LSS: variants seen among roughly 807,000 people sequenced by gnomAD.
The protein encoded by LSS is lanosterol synthase.
A neutral mutation model predicts 110.3 loss-of-function variants in LSS; 90 were observed. The ratio of observed to expected loss-of-function variants is 0.82; its 90% CI spans 0.69 to 0.97. The LOEUF (loss-of-function observed/expected upper bound fraction) is 0.97, where lower values mean the gene tolerates loss of function less well. Ranked by LOEUF, LSS falls within the 50% of genes least tolerant of loss-of-function variation. The pLI is 0.00. For missense variants in LSS, 927 were observed against 990.0 expected (o/e 0.94, Z 0.85); for synonymous variants, 433 against 400.0 (o/e 1.08, Z -0.98).
intron 17 of LSS, among the ~76,000 whole-genome samples, chr21:46,197,585 C>T (rs566996875): frequency 6.6e-6 from 1 of 152,234 alleles, no homozygotes; most frequent in African/African-American, 2.4e-5. Context: ...TGCAAAACTC[C>T]AAATTAAAAC....
chr21:46,195,242 G>A (rs1446767461), intron 19 of LSS, among the ~76,000 whole-genome samples: 3 of 152,176 alleles, frequency 2.0e-5, no homozygotes, highest in African/African-American at 7.2e-5. Flanking sequence ...TGGGACCAGG[G>A]AAACATCTTC....
chr21:46,222,510 C>A, intron 4 of LSS, 120 bp downstream of exon 4: 2 of 834,562 alleles, frequency 2.4e-6, no homozygotes, highest in Admixed American at 2.3e-5. Context: ...CTCACCCACC[C>A]CACACCCACA....
chr21:46,191,155 G>C lies in LSS; in HGVS notation c.2148C>G (p.Leu716=), dbSNP rs372838581. Residue 716 remains leucine, a synonymous_variant, in exon 22 of 22, where the codon CTC becomes CTG. Transcript: ENST00000397728. Reference sequence around the variant, plus strand: ...CAGGGTACAGCTGGGAGAAGCGGCCGAGGGCCCAGATGGGGAAGATGTTCC... The same window carrying C: ...CAGGGTACAGCTGGGAGAAGCGGCCCAGGGCCCAGATGGGGAAGATGTTCC... ...SYRNIFPIWA[L]GRFSQLYPER... 6.2e-7 allele frequency: 1 copy of C among 1,614,076 alleles called. No homozygotes were observed. Among genetic ancestry groups the C allele is most frequent in the Non-Finnish European group, 8.5e-7 (1 of 1,180,028 alleles).
intron 19 of LSS, among the ~76,000 whole-genome samples, chr21:46,194,925 A>C (rs1455916415): frequency 6.6e-6 from 1 of 152,220 alleles, no homozygotes; most frequent in Non-Finnish European, 1.5e-5. Flanking sequence ...CGTCAGGCTG[A>C]GTGAGGTCTG....
rs1174524833 is a variant in LSS at position 46,194,655 on chromosome 21, G to A, written c.1824C>T (p.Ala608=). 6 of 1,612,170 alleles carry A rather than the reference G, an allele frequency of 3.7e-6. No homozygotes were observed. Among genetic ancestry groups the A allele is most frequent in the South Asian group, 1.1e-5 (1 of 91,062 alleles). ...CACAGGCCCGGGAGACCTCTGCACA[G>A]GCAGTCCTGCAAAGACCAGAGACAG... ...CMGQTYRDGT[A]CAEVSRACDF... The change falls in exon 20 of 22, where the codon GCC becomes GCT. Residue 608 remains alanine (A), a synonymous_variant. Coordinates refer to ENST00000397728, the MANE Select transcript of LSS (RefSeq NM_002340.6).
rs190623322 is a variant in LSS, at chr21:46,225,465, C to G, written c.319+2087G>C. 3,993 of 447,280 alleles carry G rather than the reference C, an allele frequency of 8.9e-3. 155 individuals carry two copies. Among genetic ancestry groups the G allele is most frequent in the Admixed American group, 0.071 (2,998 of 42,134 alleles). 27.7% of individuals were successfully genotyped at this position (447,280 alleles called of 1,614,324 possible). ...CCGGGAAAGGGAATCTCCCTTTCCCCGGGGGAGTTTAGAGAAGACTCTACT... is the reference window on the plus strand; with the variant it reads ...CCGGGAAAGGGAATCTCCCTTTCCCGGGGGGAGTTTAGAGAAGACTCTACT... On this transcript the variant is annotated intron_variant, in intron 3 of 21. Transcript: ENST00000397728.
At chr21:46,223,943 C>T (rs934406769) in intron 3 of LSS, among the ~76,000 whole-genome samples, 3 of 152,042 alleles carry the variant, frequency 2.0e-5, no homozygotes, top group Admixed American at 6.6e-5. Context: ...TCCCTTTCCC[C>T]GGGGGAATTT....
intron 17 of LSS, among the ~76,000 whole-genome samples, chr21:46,198,829 CAAAA>C (rs35148484): frequency 5.4e-5 from 4 of 73,462 alleles, no homozygotes; most frequent in Non-Finnish European, 7.3e-5. Context: ...CATCCACATG[CAAAA>C]AAAAAAAAAA....
At chr21:46,200,168 G>T (rs2839141) in intron 17 of LSS, among the ~76,000 whole-genome samples, 1 of 152,008 alleles carries the variant, frequency 6.6e-6, no homozygotes, top group Non-Finnish European at 1.5e-5. Flanking sequence ...AATCAATTGC[G>T]TAAGAATCTA....
intron 15 of LSS, 24 bp from the exon 16 acceptor site, chr21:46,206,792 G>C (rs2080055200): frequency 6.3e-7 from 1 of 1,585,186 alleles, no homozygotes. Context: ...GAGCACCCTA[G>C]AACTCGCCCA....
At chr21:46,198,450 A>G (rs1020815351) in intron 17 of LSS, among the ~76,000 whole-genome samples, 1 of 152,222 alleles carries the variant, frequency 6.6e-6, no homozygotes. Flanking sequence ...GAAATAAAAG[A>G]TCTTTCCAAC....
intron 3 of LSS, among the ~76,000 whole-genome samples, chr21:46,224,133 G>C (rs1213541399): frequency 6.6e-6 from 1 of 152,200 alleles, no homozygotes; most frequent in Non-Finnish European, 1.5e-5. Context: ...GTCAATTAGT[G>C]AAAGTACTAA....
chr21:46,213,080 G>C, intron 10 of LSS, 28 bp from the exon 11 acceptor site: 1 of 1,612,394 alleles, frequency 6.2e-7, no homozygotes, highest in Non-Finnish European at 8.5e-7. Context: ...CCCAAGTCAG[G>C]TGCAAGGAGA....
rs375698498 is a variant in LSS at position 46,207,547 on chromosome 21, C to T, written c.1348G>A (p.Gly450Ser). The T allele has an allele frequency of 1.1e-4, 179 of 1,610,178 alleles. No homozygotes were observed. Among genetic ancestry groups the T allele is most frequent in the Admixed American group, 1.0e-3 (61 of 59,504 alleles). The change falls in exon 15 of 22, where the codon GGC becomes AGC. Residue 450 changes from glycine (G) to serine (S), a missense_variant. Transcript: ENST00000397728. ...GGFSFSTLDC[G>S]WIVSDCTAEA... is the part of the protein sequence containing the mutation. ...GCCGTGCAGTCAGAAACGATCCAGC[C>T]GCAGTCCAGCGTACTGAAGGAGAAG...
chr21:46,198,294 T>C (rs1293611965), intron 17 of LSS, among the ~76,000 whole-genome samples: 1 of 151,650 alleles, frequency 6.6e-6, no homozygotes, highest in Non-Finnish European at 1.5e-5. Context: ...GGTCAGTTGT[T>C]TTCCTACCAG....
Position 46,189,784 on chromosome 21 carries a change from T to C in LSS, c.*1320A>G, listed in dbSNP as rs796408939. ...AGATAAGGAGGTATAGGGTGTGCCC[T>C]GGGCAAGGCAGCAGGGGTAACGAAG... On this transcript the variant is annotated 3_prime_UTR_variant, in exon 22 of 22. Coordinates refer to ENST00000397728, the MANE Select transcript of LSS (RefSeq NM_002340.6). 6 of 453,466 alleles carry C rather than the reference T, an allele frequency of 1.3e-5. No homozygotes were observed. The highest frequency in any genetic ancestry group is 9.8e-5 in the African/African-American group (5 of 51,256). The allele number at this position is 453,466 out of a possible 1,614,324, so 28.1% of individuals were successfully genotyped here.
chr21:46,215,039 C>T (rs80106459), intron 9 of LSS, 141 bp downstream of exon 9: 16 of 711,224 alleles, frequency 2.2e-5, no homozygotes, highest in African/African-American at 3.5e-5. Flanking sequence ...GACACTTGTG[C>T]GATCAGAGGG....
rs2080213642 is a variant in LSS at position 46,216,856 on chromosome 21, G to C, written c.648-332C>G. Among the ~76,000 whole-genome samples the C allele has an allele frequency of 6.6e-6, 1 of 152,182 alleles. No individual in the cohort carries two copies. Among genetic ancestry groups the C allele is most frequent in the South Asian group, 2.1e-4 (1 of 4,830 alleles). On this transcript the variant is annotated intron_variant, in intron 6 of 21. Transcript: ENST00000397728. This position sits in a 1 kb window ranked among gnomAD's most constrained non-coding sequence, Gnocchi z 4.2. ...ATAAAACATCAACAATGGGGATATG[G>C]TGTGAGGGCCCCAGGGAACACTCTT...
chr21:46,204,338 A>G (rs958704976), intron 17 of LSS, among the ~76,000 whole-genome samples: 1 of 152,182 alleles, frequency 6.6e-6, no homozygotes, highest in African/African-American at 2.4e-5. Flanking sequence ...ATAGAAATTG[A>G]TGAAACCAAA....
Sources: gnomAD v4.1 joint callset for allele counts (sites outside exome capture counted in the v4.1 genomes callset) on GRCh38, gnomAD v4.1.1 for gene constraint, Gnocchi (gnomAD v3.1) non-coding constraint, MANE v1.5 for transcripts, NCBI Gene and HGNC (gene_info 2026-07-23, HGNC 2026-07-21) for gene names.